CEP120: variants seen among roughly 807,000 people sequenced by gnomAD.
CEP120 encodes centrosomal protein 120.
CEP120 carries 113 observed loss-of-function variants against 126.5 expected under a neutral mutation model. That is an observed-to-expected ratio of 0.89 (90% CI 0.77 to 1.04). The LOEUF (loss-of-function observed/expected upper bound fraction) is 1.04, where lower values mean the gene tolerates loss of function less well. CEP120 is among the 50% of genes least tolerant of loss of function. The probability of loss-of-function intolerance (pLI) is 0.00; values close to 1 mark genes in which losing one functional copy is unlikely to be tolerated. For synonymous variants in CEP120, 400 were observed against 394.3 expected, an observed-to-expected ratio of 1.01 and a Z score of -0.17; for missense variants, 1,230 against 1,155.7, an observed-to-expected ratio of 1.06 and a Z score of -0.93.
At chr5:123,382,308 G>A (rs1299079810) in intron 13 of CEP120, 108 bp from the exon 14 acceptor site, 3 of 385,800 alleles carry the variant, frequency 7.8e-6, no homozygotes, top group Non-Finnish European at 1.4e-5. Flanking sequence ...GATTTTTTCA[G>A]GCATTCTTTT....
intron 17 of CEP120, among the ~76,000 whole-genome samples, chr5:123,366,958 C>A (rs1770509437): frequency 6.6e-6 from 1 of 151,744 alleles, no homozygotes; most frequent in African/African-American, 2.4e-5. Flanking sequence ...GCTGCCAATT[C>A]TTTTTCCTCT....
intron 3 of CEP120, among the ~76,000 whole-genome samples, chr5:123,413,730 T>C (rs185928450): frequency 3.9e-5 from 6 of 152,342 alleles, no homozygotes; most frequent in Non-Finnish European, 7.3e-5. Flanking sequence ...TAGAATTAAG[T>C]AGGCCAAAGC....
In CEP120 at chr5:123,346,622, T is replaced by TC; in HGVS notation, c.2857dup (p.Asp953GlyfsTer10). On this transcript the variant is annotated frameshift_variant, in exon 20 of 20. Transcript: ENST00000306467. LOFTEE classifies it high-confidence loss of function. ...ATACACACCCGTTCTCATCAAAGTA[T>TC]CCCTTTCTTCTATCAGGCGAGTCAA... 1 of 1,613,972 alleles carries TC rather than the reference T, an allele frequency of 6.2e-7. No individual in the cohort carries two copies. Among genetic ancestry groups the TC allele is most frequent in the Non-Finnish European group, 8.5e-7 (1 of 1,179,918 alleles).
rs940985733 is a variant in CEP120, at chr5:123,345,055, G to C, written c.*1464C>G. 6.6e-6 allele frequency: 1 copy of C among 152,118 alleles called. No individual in the cohort carries two copies. Among genetic ancestry groups the C allele is most frequent in the East Asian group, 1.9e-4 (1 of 5,184 alleles). 9.4% of individuals were successfully genotyped at this position (152,118 alleles called of 1,614,324 possible). A position where few individuals can be genotyped will look rare whatever the true frequency, so the allele number is the denominator to read the frequency against. ...GTCACAGGCAACACACAATGCAATT[G>C]AAAGTAAACAGTCACAGCATTTTAC... On this transcript the variant is annotated 3_prime_UTR_variant, in exon 20 of 20. Transcript: ENST00000306467.
In CEP120 at chr5:123,390,973, G is replaced by A. The variant is rs186420904; in HGVS notation, c.1038+137C>T. On this transcript the variant is annotated intron_variant, in intron 7 of 19. Coordinates refer to ENST00000306467, the MANE Select transcript of CEP120 (RefSeq NM_001375405.1). ...AGTCACAGCACTTTTCAGAAAGGAG[G>A]TATCATATAACAAAGGTCACTAATT... The A allele has an allele frequency of 7.8e-6, 5 of 643,922 alleles. No homozygotes were observed. In the East Asian group the frequency reaches 1.4e-4, roughly 18 times the overall value. 39.9% of individuals were successfully genotyped at this position (643,922 alleles called of 1,614,324 possible). A position where few individuals can be genotyped will look rare whatever the true frequency, so the allele number is the denominator to read the frequency against.
chr5:123,395,405 C>A (rs1321489828), intron 5 of CEP120, among the ~76,000 whole-genome samples: 2 of 152,146 alleles, frequency 1.3e-5, no homozygotes, highest in African/African-American at 4.8e-5. Context: ...TAGATGCTTT[C>A]TCACATTGCC....
chr5:123,403,383 A>C (rs752930864), intron 4 of CEP120: 1 of 441,670 alleles, frequency 2.3e-6, no homozygotes, highest in Non-Finnish European at 4.5e-6. Flanking sequence ...AATCATGGAG[A>C]CATTCAAAAG....
intron 4 of CEP120, among the ~76,000 whole-genome samples, chr5:123,399,895 A>G (rs1773061172): frequency 1.3e-5 from 2 of 152,198 alleles, no homozygotes; most frequent in Non-Finnish European, 2.9e-5. Context: ...GACATAATCA[A>G]ATAGGCTTTA....
intron 18 of CEP120, among the ~76,000 whole-genome samples, chr5:123,357,935 T>C (rs955616039): frequency 6.6e-6 from 1 of 152,146 alleles, no homozygotes; most frequent in Non-Finnish European, 1.5e-5. Flanking sequence ...CTGGGAATTA[T>C]AAATTAGTAT....
chr5:123,406,509 C>T (rs1359020894), intron 4 of CEP120, among the ~76,000 whole-genome samples: 8 of 149,028 alleles, frequency 5.4e-5, no homozygotes, highest in African/African-American at 2.0e-4. Flanking sequence ...CTCTAAGGGA[C>T]CAAAGATAAG....
intron 4 of CEP120, among the ~76,000 whole-genome samples, chr5:123,399,940 A>T (rs980611226): frequency 1.3e-5 from 2 of 152,204 alleles, no homozygotes; most frequent in Admixed American, 1.3e-4. Context: ...AGGTTTTTCA[A>T]ATTGATTTAA....
At chr5:123,356,238 G>A (rs1400635501) in intron 18 of CEP120, among the ~76,000 whole-genome samples, 1 of 151,948 alleles carries the variant, frequency 6.6e-6, no homozygotes, top group Non-Finnish European at 1.5e-5. Flanking sequence ...TTGTTCTTTT[G>A]GCTTAGGATT....
chr5:123,366,476 C>T (rs971818300), intron 17 of CEP120, among the ~76,000 whole-genome samples: 1 of 151,812 alleles, frequency 6.6e-6, no homozygotes, highest in Admixed American at 6.6e-5. Context: ...TCACCGGTTT[C>T]CAATCTCCCT....
intron 1 of CEP120, among the ~76,000 whole-genome samples, chr5:123,419,915 T>C (rs559094510): frequency 1.2e-4 from 18 of 152,300 alleles, no homozygotes; most frequent in African/African-American, 4.3e-4. Context: ...TTCTCTTGTT[T>C]ATAAATCTGT....
rs75744800 is a variant in CEP120, at chr5:123,386,676, TAAA to T, written c.1431-12_1431-10del. ...AGAATGGATATGAGTACCTAGAATT[TAAA>T]AAAAAAAAAAAAAAAAAAAGCCTTA... On this transcript the variant is annotated splice_polypyrimidine_tract_variant and intron_variant, in intron 9 of 19. Transcript: ENST00000306467. 5,171 of 606,226 alleles carry T rather than the reference TAAA, an allele frequency of 8.5e-3. No individual in the cohort carries two copies. Among genetic ancestry groups the T allele is most frequent in the East Asian group, 0.018 (309 of 17,454 alleles). 37.6% of individuals were successfully genotyped at this position (606,226 alleles called of 1,614,324 possible).
intron 14 of CEP120, 66 bp downstream of exon 14, chr5:123,382,045 A>T: frequency 8.9e-7 from 1 of 1,121,710 alleles, no homozygotes; most frequent in Non-Finnish European, 1.3e-6. Flanking sequence ...ACTGTCTTTA[A>T]CGCAAATACA....
chr5:123,415,848 G>C (rs1312778812), intron 3 of CEP120, among the ~76,000 whole-genome samples, 162 bp downstream of exon 3: 1 of 150,902 alleles, frequency 6.6e-6, no homozygotes, highest in Non-Finnish European at 1.5e-5. Context: ...CTCCAGCCTG[G>C]ATAACAGAGA....
intron 14 of CEP120, 82 bp from the exon 15 acceptor site, chr5:123,378,510 T>A: frequency 1.4e-6 from 1 of 706,928 alleles, no homozygotes; most frequent in Non-Finnish European, 2.2e-6. Context: ...AAAATACACA[T>A]CATTTCACTG....
chr5:123,391,576 C>T lies in CEP120; in HGVS notation c.811-239G>A, dbSNP rs139684286. 1.7e-3 allele frequency among the ~76,000 whole-genome samples: 254 copies of T among 147,920 alleles called. 2 individuals carry two copies. The highest frequency in any genetic ancestry group is 5.7e-3 in the African/African-American group (231 of 40,506). On this transcript the variant is annotated intron_variant, in intron 6 of 19. Transcript: ENST00000306467. ...CTATTACCTTTTTCATTTCTTCTTTCGGTATTACATAATCATATGTTATTG... is the reference window on the plus strand; with the variant it reads ...CTATTACCTTTTTCATTTCTTCTTTTGGTATTACATAATCATATGTTATTG...
Sources: gnomAD v4.1 joint callset for allele counts (sites outside exome capture counted in the v4.1 genomes callset) on GRCh38, gnomAD v4.1.1 for gene constraint, MANE v1.5 for transcripts, NCBI Gene and HGNC (gene_info 2026-07-23, HGNC 2026-07-21) for gene names.